SMPD4: variants seen among roughly 807,000 people sequenced by gnomAD.
SMPD4 encodes sphingomyelin phosphodiesterase 4.
A neutral mutation model predicts 97.8 loss-of-function variants in SMPD4; 58 were observed. The observed-to-expected ratio is 0.59, with a 90% CI of 0.48 to 0.74. SMPD4 has a LOEUF of 0.74. Among genes scored for constraint, SMPD4 ranks in the 30% least tolerant of loss-of-function variants. The probability of loss-of-function intolerance (pLI) is 0.00; values close to 1 mark genes in which losing one functional copy is unlikely to be tolerated. For missense variants in SMPD4, 853 were observed against 1,080.5 expected (o/e 0.79, Z 2.95); for synonymous variants, 388 against 450.0 (o/e 0.86, Z 1.74).
chr2:130,168,773 G>A (rs2104878175), intron 8 of SMPD4, among the ~76,000 whole-genome samples: 1 of 150,536 alleles, frequency 6.6e-6, no homozygotes, highest in African/African-American at 2.4e-5. Context: ...CCAGGCTGGA[G>A]TACAGGGGCA....
intron 8 of SMPD4, 112 bp downstream of exon 8, chr2:130,172,237 G>A (rs2104897394): frequency 7.9e-7 from 1 of 1,260,272 alleles, no homozygotes; most frequent in East Asian, 2.5e-5. Context: ...TGAGGCATAA[G>A]AAAAATTGGG....
chr2:130,155,226 G>A lies in SMPD4; in HGVS notation c.1323C>T (p.Tyr441=). The A allele has an allele frequency of 6.2e-7, 1 of 1,614,180 alleles. No individual in the cohort carries two copies. The highest frequency in any genetic ancestry group is 1.7e-4 in the Middle Eastern group (1 of 6,060). Residue 441 remains tyrosine, a synonymous_variant, in exon 15 of 20, where the codon TAC becomes TAT. Transcript: ENST00000680298. The part of the protein sequence containing the change: ...APFVQENLLM[Y]TKLFVGFLNR... The stretch of plus-strand genomic sequence containing the variant: ...TCAGAAAGCCCACAAACAACTTGGT[G>A]TACATCAGCAGGTTCTCCTGGACAA...
intron 11 of SMPD4, among the ~76,000 whole-genome samples, chr2:130,158,448 C>G (rs1279542170): frequency 6.6e-6 from 1 of 152,112 alleles, no homozygotes; most frequent in Non-Finnish European, 1.5e-5. Context: ...TCCTGAGTAG[C>G]TGGGACGACA....
Position 130,172,688 on chromosome 2 carries a change from C to T in SMPD4, c.455-11G>A, listed in dbSNP as rs748222753. 3 of 1,614,082 alleles carry T rather than the reference C, an allele frequency of 1.9e-6. No homozygotes were observed. The highest frequency in any genetic ancestry group is 2.2e-5 in the East Asian group (1 of 44,892). On this transcript the variant is annotated splice_polypyrimidine_tract_variant and intron_variant, in intron 6 of 19. Coordinates refer to ENST00000680298, the MANE Select transcript of SMPD4 (RefSeq NM_017951.5). Reference sequence around the variant, plus strand: ...AATACTCGAACGGATCTGAGAGCAGCGTCAGGGGCAAACATGCAGGGTTGA... The same window carrying T: ...AATACTCGAACGGATCTGAGAGCAGTGTCAGGGGCAAACATGCAGGGTTGA...
At chr2:130,154,858 G>A (rs994026055) in intron 15 of SMPD4, 12 of 637,898 alleles carry the variant, frequency 1.9e-5, no homozygotes, top group Middle Eastern at 4.3e-4. Context: ...GTGCCGGCCC[G>A]CTCTGTGGGC....
At chr2:130,161,797 G>A (rs1454085810) in intron 10 of SMPD4, among the ~76,000 whole-genome samples, 1 of 152,196 alleles carries the variant, frequency 6.6e-6, no homozygotes, top group Non-Finnish European at 1.5e-5. Context: ...GAAACCAGCG[G>A]AGCATGTTCC....
chr2:130,166,308 CAAAAAA>C (rs56226182), intron 9 of SMPD4, among the ~76,000 whole-genome samples: 30 of 60,922 alleles, frequency 4.9e-4, no homozygotes, highest in African/African-American at 1.6e-3. Context: ...GACTCCATCT[CAAAAAA>C]AAAAAAAAAA....
chr2:130,153,994 G>A, intron 16 of SMPD4, 59 bp from the exon 17 acceptor site: 2 of 1,529,606 alleles, frequency 1.3e-6, no homozygotes, highest in East Asian at 4.7e-5. Context: ...CACCCAGGCA[G>A]CCCCAAGAGC....
chr2:130,159,185 G>A (rs1466767620), intron 11 of SMPD4, among the ~76,000 whole-genome samples: 1 of 152,022 alleles, frequency 6.6e-6, no homozygotes, highest in African/African-American at 2.4e-5. Context: ...GTAGAGACAG[G>A]GGTTTCGCCA....
At position 130,161,252 on chromosome 2, in the gene SMPD4, T is replaced by C; in HGVS notation, c.885A>G (p.Arg295=). ...PHAKLEVLHY[R]LSVSSALYSP... ...TGTAGAGGGCGCTGGAGACACTGAG[T>C]CGGTAGTGCAGAACCTCCAGCTGAG... The change falls in exon 11 of 20, where the codon CGA becomes CGG. Residue 295 remains arginine (R), a synonymous_variant. Coordinates refer to ENST00000680298, the MANE Select transcript of SMPD4 (RefSeq NM_017951.5). 2 of 1,612,582 alleles carry C rather than the reference T, an allele frequency of 1.2e-6. No homozygotes were observed. Among genetic ancestry groups the C allele is most frequent in the Non-Finnish European group, 8.5e-7 (1 of 1,179,654 alleles).
Position 130,168,370 on chromosome 2 carries a change from G to A in SMPD4, c.660-780C>T, listed in dbSNP as rs529988392. ...GCCCAGGAGGTTGAGGTTGCTGTGA[G>A]CAGAGATCGTACCACTGCACTCCAG... On this transcript the variant is annotated intron_variant, in intron 8 of 19. Transcript: ENST00000680298. Among the ~76,000 whole-genome samples, 5 of 152,210 alleles carry A rather than the reference G, an allele frequency of 3.3e-5. No individual in the cohort carries two copies. In the South Asian group the frequency reaches 1.0e-3, roughly 32 times the overall value.
In SMPD4 at chr2:130,172,792, G is replaced by A; in HGVS notation, c.449C>T (p.Ala150Val). The A allele has an allele frequency of 6.2e-7, 1 of 1,614,168 alleles. No homozygotes were observed. The highest frequency in any genetic ancestry group is 8.5e-7 in the Non-Finnish European group (1 of 1,180,032). Residue 150 changes from alanine (A) to valine (V), a missense_variant, in exon 6 of 20, where the codon GCC (alanine) becomes GTC (valine). By Grantham distance (64) the Ala-to-Val change is moderately conservative (BLOSUM62 0). This residue lies in a region of SMPD4 where 313 missense variants were observed against 402.2 expected (regional missense o/e 0.78). Coordinates refer to ENST00000680298, the MANE Select transcript of SMPD4 (RefSeq NM_017951.5). ...TPTGGLGLNL[A>V]LNPFEYYIFF... ...TCAGGGCCACCAAAGGATACTCAGG[G>A]CCAAGTTCAGACCAAGGCCCCCAGT...
rs767511789 is a variant in SMPD4, at chr2:130,174,882, T to C, written c.126+32A>G. 2.0e-6 allele frequency: 3 copies of C among 1,483,962 alleles called. No individual in the cohort carries two copies. The African/African-American group carries it at 4.2e-5, about 21-fold the overall frequency. 91.9% of individuals were successfully genotyped at this position (1,483,962 alleles called of 1,614,324 possible). ...AGTTCTTCAACGAATGTATAAGACATGCTCCAAAGAGAGACGTTAGCAGAG... is the reference window on the plus strand; with the variant it reads ...AGTTCTTCAACGAATGTATAAGACACGCTCCAAAGAGAGACGTTAGCAGAG... On this transcript the variant is annotated intron_variant, in intron 3 of 19. Coordinates refer to ENST00000680298, the MANE Select transcript of SMPD4 (RefSeq NM_017951.5).
chr2:130,170,585 G>C (rs1366770016), intron 8 of SMPD4, among the ~76,000 whole-genome samples: 1 of 151,670 alleles, frequency 6.6e-6, no homozygotes. Flanking sequence ...GGGCAACATA[G>C]CAAGACCCAT....
At position 130,152,596 on chromosome 2, in the gene SMPD4, T is replaced by C; in HGVS notation, c.2443A>G (p.Met815Val). 1.3e-6 allele frequency: 2 copies of C among 1,550,830 alleles called. No individual in the cohort carries two copies. Among genetic ancestry groups the C allele is most frequent in the South Asian group, 1.2e-5 (1 of 84,056 alleles). The change falls in exon 20 of 20, where the codon ATG becomes GTG. Residue 815 changes from methionine to valine, a missense_variant. By Grantham distance (21) the Met-to-Val change is conservative (BLOSUM62 1). Transcript: ENST00000680298. Reference sequence around the variant, plus strand: ...TTCCCCCGCTCGGTCAGCAGTGTCATGGCAGAGGCGTAGAGGACATAGCCC... The same window carrying C: ...TTCCCCCGCTCGGTCAGCAGTGTCACGGCAGAGGCGTAGAGGACATAGCCC... ...TLGYVLYASA[M>V]TLLTERGKLH...
chr2:130,166,684 C>T (rs1319063556), intron 9 of SMPD4, among the ~76,000 whole-genome samples: 1 of 151,784 alleles, frequency 6.6e-6, no homozygotes. Flanking sequence ...TGCTGAATCT[C>T]TCTGTGTGCC....
At chr2:130,154,575 G>A (rs1686576050) in intron 15 of SMPD4, 93 bp from the exon 16 acceptor site, 2 of 1,528,126 alleles carry the variant, frequency 1.3e-6, no homozygotes, top group South Asian at 2.4e-5. Context: ...TGAGGTGTCT[G>A]GGGAGCCATG....
intron 19 of SMPD4, 21 bp from the exon 20 acceptor site, chr2:130,152,905 C>T (rs368038142): frequency 2.3e-5 from 36 of 1,569,264 alleles, no homozygotes; most frequent in African/African-American, 1.1e-4. Context: ...GACAGAGGCA[C>T]GGGGATGTGG....
At chr2:130,168,528 A>AC (rs2104876812) in intron 8 of SMPD4, among the ~76,000 whole-genome samples, 1 of 151,206 alleles carries the variant, frequency 6.6e-6, no homozygotes, top group East Asian at 2.0e-4. Flanking sequence ...CTCGTTATCA[A>AC]TTTTTTTTTG....
Sources: allele counts gnomAD v4.1 joint callset (sites outside exome capture counted in the v4.1 genomes callset), GRCh38; gene constraint gnomAD v4.1.1; regional missense constraint gnomAD v4.1.1; transcripts MANE v1.5; gene names NCBI Gene and HGNC (gene_info 2026-07-23, HGNC 2026-07-21).